CLNK: variants seen among roughly 807,000 people sequenced by gnomAD.
CLNK encodes the protein cytokine-dependent hematopoietic cell linker.
In CLNK, 74 loss-of-function variants were observed where a neutral mutation model predicts 68.6. The observed-to-expected ratio is 1.08, with a 90% CI of 0.89 to 1.31. CLNK has a LOEUF of 1.31. Among genes scored for constraint, CLNK ranks in the 50% most tolerant of loss-of-function variants. The probability of loss-of-function intolerance (pLI) is 0.00; values close to 1 mark genes in which losing one functional copy is unlikely to be tolerated. For missense variants in CLNK, 553 were observed against 515.3 expected (o/e 1.07, Z -0.71); for synonymous variants, 198 against 172.2 (o/e 1.15, Z -1.17).
chr4:10,675,901 A>T (rs1724852217), intron 1 of CLNK, among the ~76,000 whole-genome samples: 1 of 152,228 alleles, frequency 6.6e-6, no homozygotes, highest in Admixed American at 6.5e-5. Context: ...TCATTAAAAC[A>T]GGAAAAAAGG....
chr4:10,671,833 C>T (rs980548722), intron 1 of CLNK, among the ~76,000 whole-genome samples: 5 of 152,116 alleles, frequency 3.3e-5, no homozygotes, highest in South Asian at 2.1e-4. Flanking sequence ...ATTTCCAAGA[C>T]GAAGTGCCTT....
intron 4 of CLNK, among the ~76,000 whole-genome samples, chr4:10,583,323 A>G (rs1235242358): frequency 6.6e-6 from 1 of 151,364 alleles, no homozygotes; most frequent in East Asian, 1.9e-4. Context: ...TGTCGTCCAC[A>G]GCGCCCAGGC....
rs1720368327 is a variant in CLNK at position 10,571,870 on chromosome 4, T to C, written c.113-92A>G. 9 of 992,970 alleles carry C rather than the reference T, an allele frequency of 9.1e-6. 1 individual carries two copies. In the South Asian group the frequency reaches 1.2e-4, roughly 13 times the overall value. 61.5% of individuals were successfully genotyped at this position (992,970 alleles called of 1,614,324 possible). ...GGCCCTTGTTTTTCTCCAGAAATCT[T>C]TTGTCAGTTTTAATTAACTTACCTT... is the stretch of plus-strand genomic sequence containing the variant. On this transcript the variant is annotated intron_variant, in intron 4 of 18. Coordinates refer to ENST00000226951, the MANE Select transcript of CLNK (RefSeq NM_052964.4).
At chr4:10,491,788 A>G (rs1716585779) in intron 18 of CLNK, among the ~76,000 whole-genome samples, 1 of 152,108 alleles carries the variant, frequency 6.6e-6, no homozygotes, top group Admixed American at 6.6e-5. Flanking sequence ...TTTAATTTCA[A>G]CAGCTTTAGA....
intron 2 of CLNK, among the ~76,000 whole-genome samples, chr4:10,609,488 C>G (rs551334427): frequency 1.6e-4 from 24 of 152,340 alleles, no homozygotes; most frequent in African/African-American, 5.5e-4. Flanking sequence ...GCCACCTGCA[C>G]AGTCATCATT....
intron 1 of CLNK, among the ~76,000 whole-genome samples, chr4:10,671,290 G>A (rs1724626631): frequency 1.3e-5 from 2 of 152,244 alleles, no homozygotes; most frequent in South Asian, 4.1e-4. Context: ...GGAGGCTGAG[G>A]CAGGAGAATT....
intron 2 of CLNK, among the ~76,000 whole-genome samples, chr4:10,632,024 T>G (rs914578555): frequency 3.3e-5 from 5 of 152,254 alleles, no homozygotes; most frequent in Non-Finnish European, 4.4e-5. Flanking sequence ...GCTGAAGGCA[T>G]GAATAGCTCT....
At chr4:10,561,844 G>T (rs955703371) in intron 7 of CLNK, among the ~76,000 whole-genome samples, 2 of 151,032 alleles carry the variant, frequency 1.3e-5, no homozygotes, top group Admixed American at 1.3e-4. Flanking sequence ...GGAAAGACTC[G>T]GTCTCTTTCC....
intron 2 of CLNK, among the ~76,000 whole-genome samples, chr4:10,658,370 C>G (rs758606643): frequency 2.0e-5 from 3 of 152,188 alleles, no homozygotes; most frequent in Non-Finnish European, 2.9e-5. Flanking sequence ...TATAGCCAGC[C>G]GACAGTATCT....
chr4:10,680,859 T>A (rs1725070225), intron 1 of CLNK, among the ~76,000 whole-genome samples: 1 of 152,160 alleles, frequency 6.6e-6, no homozygotes, highest in Admixed American at 6.6e-5. Context: ...CGTGGTATAG[T>A]GAAAACAGCA....
intron 2 of CLNK, among the ~76,000 whole-genome samples, chr4:10,629,246 G>T (rs1722794682): frequency 6.6e-6 from 1 of 152,208 alleles, no homozygotes; most frequent in Admixed American, 6.5e-5. Flanking sequence ...TGCCTTTCGT[G>T]AGTTGATTTA....
intron 2 of CLNK, among the ~76,000 whole-genome samples, chr4:10,640,749 T>C (rs953130718): frequency 3.9e-5 from 6 of 152,250 alleles, no homozygotes; most frequent in African/African-American, 1.2e-4. Context: ...CACTTCTGCC[T>C]TCTCCCAAGC....
At chr4:10,609,341 G>A (rs183306311) in intron 2 of CLNK, among the ~76,000 whole-genome samples, 34 of 152,308 alleles carry the variant, frequency 2.2e-4, no homozygotes, top group Non-Finnish European at 4.4e-4. Context: ...TATTGGTCAG[G>A]AGGTAGCCCA....
chr4:10,653,386 T>TA (rs1423389338), intron 2 of CLNK, among the ~76,000 whole-genome samples: 2 of 116,378 alleles, frequency 1.7e-5, no homozygotes, highest in Non-Finnish European at 4.2e-5. Flanking sequence ...AAATAAACTC[T>TA]CAAAAAAAAC....
At chr4:10,592,673 G>A (rs539368458) in intron 3 of CLNK, among the ~76,000 whole-genome samples, 3 of 152,056 alleles carry the variant, frequency 2.0e-5, no homozygotes, top group Admixed American at 2.0e-4. Flanking sequence ...ATCAGCCAAT[G>A]TTTCTTGAGC....
At chr4:10,633,060 C>G (rs1034587058) in intron 2 of CLNK, among the ~76,000 whole-genome samples, 2 of 152,184 alleles carry the variant, frequency 1.3e-5, no homozygotes, top group African/African-American at 4.8e-5. Flanking sequence ...GTCTCAGCCT[C>G]CTGAGTATCT....
At chr4:10,503,059 A>G (rs529919288) in intron 17 of CLNK, among the ~76,000 whole-genome samples, 113 of 152,370 alleles carry the variant, frequency 7.4e-4, no homozygotes, top group African/African-American at 2.5e-3. Flanking sequence ...ACGTGAACAC[A>G]TCTACCAGGC....
At chr4:10,667,241 C>T (rs894746460) in intron 2 of CLNK, among the ~76,000 whole-genome samples, 2 of 152,124 alleles carry the variant, frequency 1.3e-5, no homozygotes, top group African/African-American at 2.4e-5. Flanking sequence ...AACAAAACTA[C>T]CTTTCTGACT....
rs1297681090 is a variant in CLNK at position 10,642,622 on chromosome 4, C to A, written c.11+25237G>T. ...TGGACCTGTATGCATGTGGGTAAGT[C>A]ATGAAAACTTTGCCCTGCAGTTTCC... On this transcript the variant is annotated intron_variant, in intron 2 of 18. Coordinates refer to ENST00000226951, the MANE Select transcript of CLNK (RefSeq NM_052964.4). Among the ~76,000 whole-genome samples, 4 of 152,178 alleles carry A rather than the reference C, an allele frequency of 2.6e-5. No individual in the cohort carries two copies. In the East Asian group the frequency reaches 5.8e-4, roughly 22 times the overall value.
Sources: allele counts gnomAD v4.1 joint callset (sites outside exome capture counted in the v4.1 genomes callset), GRCh38; gene constraint gnomAD v4.1.1; transcripts MANE v1.5; gene names NCBI Gene and HGNC (gene_info 2026-07-23, HGNC 2026-07-21).